C8orf34: variants seen among roughly 807,000 people sequenced by gnomAD.
The protein encoded by C8orf34 is chromosome 8 open reading frame 34, also known as uncharacterized protein C8orf34.
C8orf34 carries 65 observed loss-of-function variants against 68.3 expected under a neutral mutation model. The observed-to-expected ratio is 0.95, with a 90% CI of 0.78 to 1.17. C8orf34 has a LOEUF of 1.17. Ranked by LOEUF, C8orf34 falls within the 50% of genes most tolerant of loss-of-function variation. The pLI, the probability that C8orf34 is intolerant of heterozygous loss-of-function variation, is 0.00. For missense variants in C8orf34, 664 were observed against 655.4 expected (o/e 1.01, Z -0.14); for synonymous variants, 244 against 241.2 (o/e 1.01, Z -0.11).
At chr8:68,434,939 C>T (rs1006492112) in intron 1 of C8orf34, among the ~76,000 whole-genome samples, 2 of 151,772 alleles carry the variant, frequency 1.3e-5, no homozygotes, top group African/African-American at 4.8e-5. Flanking sequence ...ATCCCAGCTA[C>T]TCAGGAGGCT....
chr8:68,333,526 A>G (rs1585930331), intron 1 of C8orf34, among the ~76,000 whole-genome samples: 2 of 152,344 alleles, frequency 1.3e-5, no homozygotes, highest in East Asian at 3.9e-4. Context: ...CTTTGAGAGT[A>G]CAATTATACG....
chr8:68,695,231 CT>C (rs1820794903), intron 8 of C8orf34, among the ~76,000 whole-genome samples: 1 of 151,550 alleles, frequency 6.6e-6, no homozygotes, highest in African/African-American at 2.4e-5. Context: ...ACTGCAACCT[CT>C]GCCTCCTGGA....
At position 68,353,278 on chromosome 8, in the gene C8orf34, C is replaced by A. The variant is rs1004904956; in HGVS notation, c.327+21939C>A. ...ATGAAGTATTAGAACTGCACTCCCCCACAAGGGATGCCCACATATATAATA... is the reference window on the plus strand; with the variant it reads ...ATGAAGTATTAGAACTGCACTCCCCAACAAGGGATGCCCACATATATAATA... On this transcript the variant is annotated intron_variant, in intron 1 of 13. Coordinates refer to ENST00000518698, the MANE Select transcript of C8orf34 (RefSeq NM_052958.4). Among the ~76,000 whole-genome samples the A allele has an allele frequency of 7.2e-5, 11 of 152,036 alleles. No homozygotes were observed. In the East Asian group the frequency reaches 7.7e-4, roughly 11 times the overall value.
At chr8:68,533,551 T>C in intron 7 of C8orf34, 1 of 986,404 alleles carries the variant, frequency 1.0e-6, no homozygotes, top group South Asian at 4.7e-5. Context: ...CTACCTTTTA[T>C]TTTGAGGATG....
intron 1 of C8orf34, among the ~76,000 whole-genome samples, chr8:68,386,459 A>G (rs910790441): frequency 2.6e-5 from 4 of 152,286 alleles, no homozygotes; most frequent in East Asian, 3.9e-4. Flanking sequence ...TATAAAACAT[A>G]TATTTATTCT....
intron 8 of C8orf34, among the ~76,000 whole-genome samples, chr8:68,692,949 A>G (rs929280909): frequency 2.0e-5 from 3 of 152,140 alleles, no homozygotes; most frequent in African/African-American, 7.2e-5. Flanking sequence ...TAACTAATTG[A>G]GCCAGACATC....
intron 1 of C8orf34, among the ~76,000 whole-genome samples, chr8:68,411,752 A>G (rs1276525767): frequency 1.3e-5 from 2 of 152,246 alleles, no homozygotes; most frequent in African/African-American, 4.8e-5. Context: ...TCAATAAACC[A>G]CTAGGACTAT....
At chr8:68,620,907 G>C (rs1251919419) in intron 7 of C8orf34, among the ~76,000 whole-genome samples, 1 of 152,022 alleles carries the variant, frequency 6.6e-6, no homozygotes, top group African/African-American at 2.4e-5. Context: ...CACTCTGAAA[G>C]TATTTTAGAG....
At position 68,640,522 on chromosome 8, in the gene C8orf34, T is replaced by C. The variant is rs1292564514; in HGVS notation, c.1241+11T>C. On this transcript the variant is annotated intron_variant, in intron 8 of 13. Coordinates refer to ENST00000518698, the MANE Select transcript of C8orf34 (RefSeq NM_052958.4). ...TTCAAGGTGTGCCAGGTAAAAGACATAATAGGTATAGTATATATAAACATG... is the reference window on the plus strand; with the variant it reads ...TTCAAGGTGTGCCAGGTAAAAGACACAATAGGTATAGTATATATAAACATG... 2 of 1,610,938 alleles carry C rather than the reference T, an allele frequency of 1.2e-6. No individual in the cohort carries two copies. Among genetic ancestry groups the C allele is most frequent in the Admixed American group, 3.4e-5 (2 of 59,468 alleles).
chr8:68,756,689 T>C (rs1403817839), intron 10 of C8orf34, among the ~76,000 whole-genome samples: 4 of 152,144 alleles, frequency 2.6e-5, no homozygotes, highest in Non-Finnish European at 2.9e-5. Flanking sequence ...GATTTATAAA[T>C]TGGAAAAATG....
At chr8:68,775,911 A>G (rs957335390) in intron 10 of C8orf34, among the ~76,000 whole-genome samples, 1 of 152,190 alleles carries the variant, frequency 6.6e-6, no homozygotes, top group Admixed American at 6.5e-5. Flanking sequence ...GGAACAGAAA[A>G]CCAAACACAG....
At chr8:68,762,781 G>A (rs1334358492) in intron 10 of C8orf34, among the ~76,000 whole-genome samples, 2 of 152,128 alleles carry the variant, frequency 1.3e-5, no homozygotes, top group East Asian at 1.9e-4. Flanking sequence ...TGTTCTGTAA[G>A]GCACATTATA....
chr8:68,601,977 C>T (rs1055136769), intron 7 of C8orf34, among the ~76,000 whole-genome samples: 12 of 152,102 alleles, frequency 7.9e-5, no homozygotes, highest in Admixed American at 1.3e-4. Flanking sequence ...CACGGCCTCA[C>T]GGATGGAAGT....
intron 1 of C8orf34, among the ~76,000 whole-genome samples, chr8:68,414,119 A>AC: frequency 6.6e-6 from 1 of 151,928 alleles, no homozygotes; most frequent in East Asian, 1.9e-4. Context: ...ATTAAATATC[A>AC]CCCCCTCAGA....
At chr8:68,531,904 C>T (rs925675711) in intron 6 of C8orf34, among the ~76,000 whole-genome samples, 1 of 152,030 alleles carries the variant, frequency 6.6e-6, no homozygotes, top group African/African-American at 2.4e-5. Flanking sequence ...CATTTCTTCA[C>T]TCCCAAAGTA....
chr8:68,505,386 T>A (rs1320715019), intron 5 of C8orf34, among the ~76,000 whole-genome samples: 1 of 152,154 alleles, frequency 6.6e-6, no homozygotes, highest in Non-Finnish European at 1.5e-5. Context: ...GGTTTGGTGG[T>A]AAGAAGTTGA....
intron 2 of C8orf34, among the ~76,000 whole-genome samples, chr8:68,441,062 C>G (rs528846989): frequency 9.3e-4 from 142 of 152,258 alleles, no homozygotes; most frequent in African/African-American, 3.2e-3. Flanking sequence ...CCTTGGCCTC[C>G]CAAAGTGCTG....
At chr8:68,561,483 G>T (rs1036078692) in intron 7 of C8orf34, among the ~76,000 whole-genome samples, 1 of 152,014 alleles carries the variant, frequency 6.6e-6, no homozygotes, top group African/African-American at 2.4e-5. Context: ...AAGTCCGGGC[G>T]CAGCAGCTCA....
At chr8:68,705,535 T>C (rs1245822117) in intron 8 of C8orf34, among the ~76,000 whole-genome samples, 2 of 152,144 alleles carry the variant, frequency 1.3e-5, no homozygotes, top group East Asian at 3.9e-4. Context: ...TAGGAGGTCA[T>C]ACAGTCAGCA....
Sources: allele counts gnomAD v4.1 joint callset (sites outside exome capture counted in the v4.1 genomes callset), GRCh38; gene constraint gnomAD v4.1.1; transcripts MANE v1.5; gene names NCBI Gene and HGNC (gene_info 2026-07-23, HGNC 2026-07-21).